The following KIF17 variants were observed in gnomAD, a reference collection of about 807,000 sequenced individuals.
KIF17 encodes the protein kinesin family member 17.
KIF17 carries 80 observed loss-of-function variants against 96.8 expected under a neutral mutation model. The observed-to-expected ratio is 0.83, with a 90% CI of 0.69 to 1.00. The LOEUF (loss-of-function observed/expected upper bound fraction) is 1.00. KIF17 is among the 50% of genes least tolerant of loss of function. The probability of loss-of-function intolerance (pLI) is 0.00; values close to 1 mark genes in which losing one functional copy is unlikely to be tolerated. For missense variants in KIF17, 1,280 were observed against 1,372.9 expected, an observed-to-expected ratio of 0.93 and a Z score of 1.07; for synonymous variants, 567 against 587.5, an observed-to-expected ratio of 0.97 and a Z score of 0.51.
intron 5 of KIF17, among the ~76,000 whole-genome samples, chr1:20,702,801 A>G (rs2054260122): frequency 6.6e-6 from 1 of 151,756 alleles, no homozygotes; most frequent in Admixed American, 6.6e-5. Context: ...CTGACCATGC[A>G]CTCCTCTCTG....
Position 20,664,357 on chromosome 1 carries a change from G to A in KIF17, c.*227C>T. 1 of 1,433,214 alleles carries A rather than the reference G, an allele frequency of 7.0e-7. No individual in the cohort carries two copies. Among genetic ancestry groups the A allele is most frequent in the Non-Finnish European group, 9.1e-7 (1 of 1,097,404 alleles). The allele number at this position is 1,433,214 out of a possible 1,614,324, so 88.8% of individuals were successfully genotyped here. A position where few individuals can be genotyped will look rare whatever the true frequency, so the allele number is the denominator to read the frequency against. On this transcript the variant is annotated 3_prime_UTR_variant, in exon 15 of 15. Transcript: ENST00000400463. ...AACACTGATGTGGTATGAACAGCTGGAGCAGGCCTCTCTAAGGAGGACTAT... is the reference window on the plus strand; with the variant it reads ...AACACTGATGTGGTATGAACAGCTGAAGCAGGCCTCTCTAAGGAGGACTAT...
chr1:20,663,473 C>T (rs1199732768), downstream of KIF17, among the ~76,000 whole-genome samples: 1 of 152,204 alleles, frequency 6.6e-6, no homozygotes, highest in Admixed American at 6.5e-5. Context: ...CATACTATCT[C>T]ATTTAATCTT....
chr1:20,701,909 G>A (rs934393681), intron 5 of KIF17, among the ~76,000 whole-genome samples: 1 of 152,166 alleles, frequency 6.6e-6, no homozygotes, highest in Non-Finnish European at 1.5e-5. Context: ...AAGTTTTGTT[G>A]AAAGGGAAAA....
intron 11 of KIF17, 56 bp downstream of exon 11, chr1:20,682,597 G>A (rs1294239104): frequency 5.4e-6 from 8 of 1,495,196 alleles, no homozygotes; most frequent in Non-Finnish European, 7.5e-6. Context: ...GCCTGGATCG[G>A]GGGGTCTCAC....
rs1222221394 is a variant in KIF17, at chr1:20,685,679, G to T, written c.2019+367C>A. ...GAGATTTAAAGCTTCCTCTCCTTTT[G>T]CTCCCCTGGGGTGTTCAAATTGGGT... On this transcript the variant is annotated intron_variant, in intron 9 of 14. Coordinates refer to ENST00000400463, the MANE Select transcript of KIF17 (RefSeq NM_001122819.3). This position sits in a 1 kb window ranked among gnomAD's most constrained non-coding sequence, Gnocchi z 4.1. 6.6e-6 allele frequency among the ~76,000 whole-genome samples: 1 copy of T among 152,110 alleles called. No homozygotes were observed. The highest frequency in any genetic ancestry group is 1.5e-5 in the Non-Finnish European group (1 of 68,030).
At chr1:20,702,332 C>T (rs953684311) in intron 5 of KIF17, among the ~76,000 whole-genome samples, 5 of 150,084 alleles carry the variant, frequency 3.3e-5, no homozygotes, top group African/African-American at 1.3e-4. Flanking sequence ...AGAAGGGATG[C>T]TAACAGCTAT....
In KIF17 at chr1:20,685,212, C is replaced by G. The variant is rs1191634294; in HGVS notation, c.2020-192G>C. 1.4e-6 allele frequency: 1 copy of G among 701,664 alleles called. No individual in the cohort carries two copies. Among genetic ancestry groups the G allele is most frequent in the Non-Finnish European group, 2.6e-6 (1 of 382,590 alleles). 43.5% of individuals were successfully genotyped at this position (701,664 alleles called of 1,614,324 possible). The stretch of plus-strand genomic sequence containing the variant: ...CTTACTGCCGCTATTCCCACTGACA[C>G]CCCCACGCTAGGAGGAAGGCTCCCA... On this transcript the variant is annotated intron_variant, in intron 9 of 14. Coordinates refer to ENST00000400463, the MANE Select transcript of KIF17 (RefSeq NM_001122819.3). The surrounding 1 kb of genome is among the most constrained non-coding windows in gnomAD (Gnocchi z 4.1).
At chr1:20,717,292 C>T (rs1157545324) in intron 1 of KIF17, 184 bp downstream of exon 1, 10 of 637,008 alleles carry the variant, frequency 1.6e-5, no homozygotes, top group African/African-American at 7.4e-5. Context: ...GACCCGGAGG[C>T]GACATTAGAG....
chr1:20,685,673 C>T lies in KIF17; in HGVS notation c.2019+373G>A, dbSNP rs888596845. Among the ~76,000 whole-genome samples, 6 of 152,178 alleles carry T rather than the reference C, an allele frequency of 3.9e-5. No homozygotes were observed. The highest frequency in any genetic ancestry group is 1.4e-4 in the African/African-American group (6 of 41,440). ...TGTAGGGAGATTTAAAGCTTCCTCTCCTTTTGCTCCCCTGGGGTGTTCAAA... is the reference window on the plus strand; with the variant it reads ...TGTAGGGAGATTTAAAGCTTCCTCTTCTTTTGCTCCCCTGGGGTGTTCAAA... On this transcript the variant is annotated intron_variant, in intron 9 of 14. Transcript: ENST00000400463. The surrounding 1 kb of genome is among the most constrained non-coding windows in gnomAD (Gnocchi z 4.1).
chr1:20,670,523 G>A (rs769865690), intron 12 of KIF17, 35 bp from the exon 13 acceptor site: 17 of 1,608,032 alleles, frequency 1.1e-5, no homozygotes, highest in Non-Finnish European at 1.4e-5. Context: ...AGTCACTGCT[G>A]CCTGGTGCAA....
At chr1:20,688,317 G>A (rs970578465) in intron 7 of KIF17, among the ~76,000 whole-genome samples, 40 of 152,102 alleles carry the variant, frequency 2.6e-4, no homozygotes, top group African/African-American at 8.9e-4. Context: ...CCAAAGTGCT[G>A]GGATTACAGG....
intron 4 of KIF17, among the ~76,000 whole-genome samples, chr1:20,705,695 G>T (rs1464423277): frequency 4.6e-5 from 7 of 152,066 alleles, no homozygotes; most frequent in Admixed American, 3.3e-4. Flanking sequence ...GATAATGTCT[G>T]CCGGGGTTCG....
At position 20,672,646 on chromosome 1, in the gene KIF17, A is replaced by G. The variant is rs930070273; in HGVS notation, c.2464-450T>C. Among the ~76,000 whole-genome samples, 6 of 151,926 alleles carry G rather than the reference A, an allele frequency of 3.9e-5. No homozygotes were observed. The highest frequency in any genetic ancestry group is 1.5e-4 in the African/African-American group (6 of 41,332). On this transcript the variant is annotated intron_variant, in intron 11 of 14. Transcript: ENST00000400463. The surrounding 1 kb of genome is among the most constrained non-coding windows in gnomAD (Gnocchi z 4.3). ...TCTCTAAGGAGGACAACAGGCACAA[A>G]CTCTCCGACTTGACAATCCTCACTC...
chr1:20,705,337 C>T (rs931971091), intron 4 of KIF17, among the ~76,000 whole-genome samples: 3 of 152,142 alleles, frequency 2.0e-5, no homozygotes, highest in Non-Finnish European at 2.9e-5. Context: ...CTCCCAGACC[C>T]GGTTCCCAAC....
In KIF17 at chr1:20,687,962, TC is replaced by T; in HGVS notation, c.1382-19del. On this transcript the variant is annotated intron_variant, in intron 7 of 14. Transcript: ENST00000400463. This position sits in a 1 kb window ranked among gnomAD's most constrained non-coding sequence, Gnocchi z 4.4. The stretch of plus-strand genomic sequence containing the variant: ...GACAGCCTCTGCAAAATGGAGAACT[TC>T]CTTCAGGTTTTTAAAGGGTCAGAAT... The T allele has an allele frequency of 6.2e-7, 1 of 1,611,196 alleles. No individual in the cohort carries two copies. Among genetic ancestry groups the T allele is most frequent in the Non-Finnish European group, 8.5e-7 (1 of 1,178,090 alleles).
intron 11 of KIF17, among the ~76,000 whole-genome samples, chr1:20,675,892 T>C (rs901072138): frequency 6.6e-6 from 1 of 152,166 alleles, no homozygotes; most frequent in African/African-American, 2.4e-5. Flanking sequence ...TCTTTTTGTA[T>C]AGCTGGGCGT....
chr1:20,670,386 C>T lies in KIF17; in HGVS notation c.2790+35G>A. The stretch of plus-strand genomic sequence containing the variant: ...GCACTGGGGGCAAAGCCCTCCCAGC[C>T]CCCGACACCCCACTCCCTCTCCCGC... On this transcript the variant is annotated intron_variant, in intron 13 of 14. Coordinates refer to ENST00000400463, the MANE Select transcript of KIF17 (RefSeq NM_001122819.3). 2.5e-6 allele frequency: 4 copies of T among 1,603,704 alleles called. No homozygotes were observed. In the South Asian group the frequency reaches 4.4e-5, roughly 18 times the overall value.
At chr1:20,666,147 CA>C in intron 14 of KIF17, 66 bp downstream of exon 14, 1 of 1,245,946 alleles carries the variant, frequency 8.0e-7, no homozygotes, top group East Asian at 2.3e-5. Flanking sequence ...TGTCTGACTT[CA>C]AAACTATCCC....
At position 20,685,030 on chromosome 1, in the gene KIF17, A is replaced by G. The variant is rs775884962; in HGVS notation, c.2020-10T>C. The G allele has an allele frequency of 5.7e-6, 9 of 1,577,702 alleles. No homozygotes were observed. The highest frequency in any genetic ancestry group is 4.3e-6 in the Non-Finnish European group (5 of 1,161,332). On this transcript the variant is annotated splice_polypyrimidine_tract_variant and intron_variant, in intron 9 of 14. Transcript: ENST00000400463. The surrounding 1 kb of genome is among the most constrained non-coding windows in gnomAD (Gnocchi z 4.1). ...AGGCCAGATCTACCTCCTGAGTGTG[A>G]AGAGAAACCCAGGTGGAGGTGGGAA...
Sources: gnomAD v4.1 joint callset for allele counts (sites outside exome capture counted in the v4.1 genomes callset) on GRCh38, gnomAD v4.1.1 for gene constraint, Gnocchi (gnomAD v3.1) non-coding constraint, MANE v1.5 for transcripts, NCBI Gene and HGNC (gene_info 2026-07-23, HGNC 2026-07-21) for gene names.